The following BICRAL variants were observed in gnomAD, a reference collection of about 807,000 sequenced individuals.
BICRAL encodes BRD4-interacting chromatin-remodeling complex-associated protein-like.
BICRAL carries 8 observed loss-of-function variants against 91.8 expected under a neutral mutation model. That is an observed-to-expected ratio of 0.09 (90% CI 0.05 to 0.16). The LOEUF is 0.16. Among genes scored for constraint, BICRAL ranks in the 10% least tolerant of loss-of-function variants. BICRAL has a pLI of 1.00. For synonymous variants in BICRAL, 445 were observed against 491.1 expected, an observed-to-expected ratio of 0.91 and a Z score of 1.24; for missense variants, 1,038 against 1,310.9, an observed-to-expected ratio of 0.79 and a Z score of 3.21.
intron 2 of BICRAL, among the ~76,000 whole-genome samples, chr6:42,817,266 T>A (rs1443464152): frequency 6.6e-6 from 1 of 151,886 alleles, no homozygotes; most frequent in African/African-American, 2.4e-5. Context: ...TGACCATATA[T>A]CCTACCAAGT....
chr6:42,862,264 T>C (rs551963829), intron 11 of BICRAL, among the ~76,000 whole-genome samples: 98 of 152,112 alleles, frequency 6.4e-4, no homozygotes, highest in Admixed American at 1.6e-3. Context: ...ATAGTACATA[T>C]ATATTCTTAT....
chr6:42,845,248 T>TTTTTTTTTTA (rs761742281), intron 6 of BICRAL, among the ~76,000 whole-genome samples: 2 of 105,398 alleles, frequency 1.9e-5, no homozygotes, highest in Admixed American at 1.2e-4. Context: ...TTTTTTTTTT[T>TTTTTTTTTTA]AGACAGAGTT....
intron 1 of BICRAL, among the ~76,000 whole-genome samples, chr6:42,762,359 A>T (rs573903278): frequency 6.6e-6 from 1 of 152,348 alleles, no homozygotes; most frequent in East Asian, 1.9e-4. Context: ...GGAAAAGATA[A>T]AGATATATAG....
At chr6:42,842,783 C>G (rs769315229) in intron 6 of BICRAL, among the ~76,000 whole-genome samples, 5 of 152,102 alleles carry the variant, frequency 3.3e-5, no homozygotes, top group African/African-American at 4.8e-5. Context: ...ATTTGAGTAC[C>G]TACCACATGC....
chr6:42,806,724 A>G (rs1220807300), intron 1 of BICRAL, among the ~76,000 whole-genome samples: 5 of 151,478 alleles, frequency 3.3e-5, no homozygotes, highest in African/African-American at 1.2e-4. Flanking sequence ...CATGTTGCCC[A>G]GGCTGGTCTC....
At chr6:42,822,753 T>G in intron 3 of BICRAL, 43 bp from the exon 4 acceptor site, 1 of 1,083,326 alleles carries the variant, frequency 9.2e-7, no homozygotes, top group Non-Finnish European at 1.4e-6. Flanking sequence ...ATAGATAGTA[T>G]ATTTGTTTGT....
chr6:42,862,300 G>A (rs1765575898), intron 11 of BICRAL, among the ~76,000 whole-genome samples: 1 of 152,122 alleles, frequency 6.6e-6, no homozygotes, highest in African/African-American at 2.4e-5. Context: ...CTCCAGAAGA[G>A]TACTGAAAAC....
chr6:42,817,016 A>C (rs1024437246), intron 2 of BICRAL, among the ~76,000 whole-genome samples: 7 of 150,666 alleles, frequency 4.6e-5, no homozygotes, highest in Non-Finnish European at 8.9e-5. Flanking sequence ...TCCATCTCAA[A>C]AAAAAAAAAA....
intron 6 of BICRAL, among the ~76,000 whole-genome samples, chr6:42,836,794 G>A (rs1001167085): frequency 6.6e-6 from 1 of 151,284 alleles, no homozygotes; most frequent in African/African-American, 2.4e-5. Flanking sequence ...GCTAATTTTT[G>A]TATTTTTAGT....
intron 6 of BICRAL, among the ~76,000 whole-genome samples, chr6:42,850,549 A>T (rs1257018638): frequency 6.6e-6 from 1 of 151,616 alleles, no homozygotes; most frequent in East Asian, 1.9e-4. Context: ...AAAAACTCTG[A>T]AAAGTTACTG....
intron 6 of BICRAL, among the ~76,000 whole-genome samples, chr6:42,833,845 A>C (rs1764567512): frequency 6.6e-6 from 1 of 151,726 alleles, no homozygotes; most frequent in South Asian, 2.1e-4. Flanking sequence ...GTGCAAACCA[A>C]TTATTATTAT....
intron 2 of BICRAL, among the ~76,000 whole-genome samples, chr6:42,813,967 G>A (rs562521141): frequency 9.2e-5 from 14 of 152,170 alleles, no homozygotes; most frequent in Admixed American, 8.5e-4. Context: ...AACACTAGAA[G>A]TAGTAAATAT....
chr6:42,861,165 A>G (rs1765545911), intron 11 of BICRAL, among the ~76,000 whole-genome samples: 1 of 152,050 alleles, frequency 6.6e-6, no homozygotes, highest in South Asian at 2.1e-4. Context: ...ATAATGGATC[A>G]CCTGAGGTCA....
chr6:42,852,768 A>C (rs1174328066), intron 7 of BICRAL, among the ~76,000 whole-genome samples: 1 of 151,728 alleles, frequency 6.6e-6, no homozygotes, highest in Non-Finnish European at 1.5e-5. Context: ...AAATTATGAC[A>C]CATTAAATTA....
At chr6:42,841,137 C>CTA (rs1764783160) in intron 6 of BICRAL, among the ~76,000 whole-genome samples, 1 of 145,916 alleles carries the variant, frequency 6.9e-6, no homozygotes, top group African/African-American at 2.5e-5. Flanking sequence ...TATATAGTAC[C>CTA]TATCATGCTT....
Position 42,829,971 on chromosome 6 carries a change from C to T in BICRAL, c.1638C>T (p.Ala546=), listed in dbSNP as rs1764425667. 6.2e-7 allele frequency: 1 copy of T among 1,614,118 alleles called. No individual in the cohort carries two copies. Among genetic ancestry groups the T allele is most frequent in the African/African-American group, 1.3e-5 (1 of 74,944 alleles). Residue 546 remains alanine (A), a synonymous_variant, in exon 6 of 13, where the codon GCC becomes GCT. Coordinates refer to ENST00000314073, the MANE Select transcript of BICRAL (RefSeq NM_001393499.1). ...GTCGGTTCCCTGCTGTCAGCTCAGC[C>T]AGCACTGCCCATCCTAGTCTTGGGT... The part of the protein sequence containing the change: ...GPSRFPAVSS[A]STAHPSLGSA...
chr6:42,780,231 A>T (rs1316876976), upstream of BICRAL, among the ~76,000 whole-genome samples: 4 of 152,180 alleles, frequency 2.6e-5, no homozygotes, highest in African/African-American at 9.7e-5. Flanking sequence ...GTTGAATATG[A>T]CAACATTGTA....
intron 1 of BICRAL, among the ~76,000 whole-genome samples, chr6:42,776,944 G>T (rs1762816080): frequency 6.6e-6 from 1 of 152,182 alleles, no homozygotes; most frequent in South Asian, 2.1e-4. Flanking sequence ...CTAATTTCTT[G>T]TAGATCTTGT....
chr6:42,843,738 T>A (rs1299507968), intron 6 of BICRAL, among the ~76,000 whole-genome samples: 1 of 151,980 alleles, frequency 6.6e-6, no homozygotes, highest in Non-Finnish European at 1.5e-5. Flanking sequence ...CACGGCTATA[T>A]ATGCTGAAGC....
Sources: allele counts gnomAD v4.1 joint callset (sites outside exome capture counted in the v4.1 genomes callset), GRCh38; gene constraint gnomAD v4.1.1; transcripts MANE v1.5; gene names NCBI Gene and HGNC (gene_info 2026-07-23, HGNC 2026-07-21).